ZNF385D: variants seen among roughly 807,000 people sequenced by gnomAD.
The protein encoded by ZNF385D is zinc finger protein 659.
A neutral mutation model predicts 35.8 loss-of-function variants in ZNF385D; 15 were observed. The ratio of observed to expected loss-of-function variants is 0.42; its 90% CI spans 0.28 to 0.64. ZNF385D has a LOEUF of 0.64. ZNF385D is among the 30% of genes least tolerant of loss of function. ZNF385D has a pLI of 0.23. For synonymous variants in ZNF385D, 212 were observed against 186.8 expected, an observed-to-expected ratio of 1.13 and a Z score of -1.10; for missense variants, 474 against 494.6, an observed-to-expected ratio of 0.96 and a Z score of 0.39.
intron 2 of ZNF385D, among the ~76,000 whole-genome samples, chr3:21,585,212 T>TA (rs1269083163): frequency 2.0e-5 from 3 of 152,184 alleles, no homozygotes; most frequent in Non-Finnish European, 4.4e-5. Flanking sequence ...TATTTGACCA[T>TA]AAAAAACTAT....
chr3:22,058,120 CTGGTCCAAAGATATG>C (rs1270531016), intron 3 of ZNF385D, among the ~76,000 whole-genome samples: 2 of 152,182 alleles, frequency 1.3e-5, no homozygotes. Flanking sequence ...GAATTTCATG[CTGGTCCAAAGATATG>C]TGGTTCCTTA....
chr3:21,472,795 G>A (rs979923395), intron 4 of ZNF385D, among the ~76,000 whole-genome samples: 1 of 151,970 alleles, frequency 6.6e-6, no homozygotes, highest in African/African-American at 2.4e-5. Flanking sequence ...GTAACCAATC[G>A]AGTTGTTTCT....
Position 22,271,770 on chromosome 3 carries a change from CA to C in ZNF385D, c.106+100679del, listed in dbSNP as rs548093977. On this transcript the variant is annotated intron_variant, in intron 2 of 5. Transcript: ENST00000494108. ...AACCCCTCCCATCAAACCATCCAGT[CA>C]GACTCAAAGTTAGCCTTTTTATAAG... 5.2e-4 allele frequency among the ~76,000 whole-genome samples: 79 copies of C among 152,068 alleles called. 1 individual carries two copies. Among genetic ancestry groups the C allele is most frequent in the African/African-American group, 1.9e-3 (78 of 41,522 alleles).
At chr3:22,202,601 G>A (rs1178024121) in intron 2 of ZNF385D, among the ~76,000 whole-genome samples, 2 of 152,132 alleles carry the variant, frequency 1.3e-5, no homozygotes, top group African/African-American at 4.8e-5. Context: ...TCAGGTAAGT[G>A]ATCACAGTAC....
chr3:21,752,471 G>C (rs571287849), upstream of ZNF385D, among the ~76,000 whole-genome samples: 10 of 152,108 alleles, frequency 6.6e-5, no homozygotes, highest in African/African-American at 2.2e-4. Context: ...TATATCTCTT[G>C]GTGGATTTAA....
chr3:21,878,865 G>C (rs907292513), intron 3 of ZNF385D, among the ~76,000 whole-genome samples: 1 of 152,016 alleles, frequency 6.6e-6, no homozygotes. Context: ...AAGCACATTT[G>C]AAGTTCTTTT....
chr3:21,607,885 C>A (rs1311540649), intron 2 of ZNF385D, among the ~76,000 whole-genome samples: 2 of 152,098 alleles, frequency 1.3e-5, no homozygotes, highest in Non-Finnish European at 2.9e-5. Flanking sequence ...GCTTAATTAT[C>A]TTTCCTACTT....
chr3:22,194,633 C>T (rs552693119), intron 2 of ZNF385D, among the ~76,000 whole-genome samples: 66 of 151,964 alleles, frequency 4.3e-4, no homozygotes, highest in African/African-American at 1.5e-3. Flanking sequence ...CCACATCACC[C>T]CCCAAATCTT....
intron 4 of ZNF385D, among the ~76,000 whole-genome samples, chr3:21,507,334 A>G (rs1054597645): frequency 6.6e-6 from 1 of 152,046 alleles, no homozygotes; most frequent in Non-Finnish European, 1.5e-5. Context: ...TTTCAAAGGA[A>G]TTAGTTTGGG....
At chr3:21,749,403 T>C (rs990087675) in intron 1 of ZNF385D, among the ~76,000 whole-genome samples, 12 of 152,312 alleles carry the variant, frequency 7.9e-5, no homozygotes, top group African/African-American at 2.9e-4. Context: ...AAGGAATTGT[T>C]TCAAGAGGGT....
chr3:22,372,120 C>CG (rs1170395235), intron 2 of ZNF385D, among the ~76,000 whole-genome samples: 1 of 138,958 alleles, frequency 7.2e-6, no homozygotes, highest in Non-Finnish European at 1.6e-5. Context: ...GCTGACCTCG[C>CG]CCCCCCGCCT....
chr3:21,818,071 C>G (rs1297816418), intron 3 of ZNF385D, among the ~76,000 whole-genome samples: 1 of 151,846 alleles, frequency 6.6e-6, no homozygotes, highest in Non-Finnish European at 1.5e-5. Context: ...AGCAAACTAT[C>G]ACAAGGACAG....
intron 3 of ZNF385D, among the ~76,000 whole-genome samples, chr3:22,053,298 C>A (rs1478061487): frequency 1.5e-5 from 1 of 65,184 alleles, no homozygotes; most frequent in Non-Finnish European, 3.0e-5. Context: ...AATAGAGACA[C>A]AAAAAACCCT....
intron 2 of ZNF385D, among the ~76,000 whole-genome samples, chr3:22,178,937 G>T (rs1218838678): frequency 1.3e-5 from 2 of 151,918 alleles, no homozygotes; most frequent in Non-Finnish European, 2.9e-5. Flanking sequence ...CTGTTCCATT[G>T]GTCTATATCT....
At chr3:21,608,023 G>GTTTTTTTTTGTTTTTT (rs1553622610) in intron 2 of ZNF385D, among the ~76,000 whole-genome samples, 1 of 120,220 alleles carries the variant, frequency 8.3e-6, no homozygotes, top group African/African-American at 3.2e-5. Flanking sequence ...TTTTTTTTTT[G>GTTTTTTTTTGTTTTTT]TTTTTTTTTT....
intron 3 of ZNF385D, among the ~76,000 whole-genome samples, chr3:21,880,065 G>T (rs770644836): frequency 6.6e-6 from 1 of 151,906 alleles, no homozygotes; most frequent in Non-Finnish European, 1.5e-5. Context: ...CAAATAGCAT[G>T]CAAATTAAGC....
At chr3:21,918,546 C>G (rs949394856) in intron 3 of ZNF385D, among the ~76,000 whole-genome samples, 2 of 152,070 alleles carry the variant, frequency 1.3e-5, no homozygotes, top group Admixed American at 1.3e-4. Flanking sequence ...ATGTGAAATG[C>G]TCATAATTTT....
intron 3 of ZNF385D, among the ~76,000 whole-genome samples, chr3:21,887,102 T>C (rs1370304681): frequency 1.3e-5 from 2 of 152,092 alleles, no homozygotes; most frequent in South Asian, 2.1e-4. Context: ...AGATAAAAGG[T>C]CCCTTCTTGA....
At chr3:22,015,999 T>C (rs1225859366) in intron 3 of ZNF385D, among the ~76,000 whole-genome samples, 4 of 152,164 alleles carry the variant, frequency 2.6e-5, no homozygotes, top group African/African-American at 9.6e-5. Context: ...GGAGAGTTTC[T>C]CCTATTGTTA....
Sources: gnomAD v4.1 joint callset for allele counts (sites outside exome capture counted in the v4.1 genomes callset) on GRCh38, gnomAD v4.1.1 for gene constraint, MANE v1.5 for transcripts, NCBI Gene and HGNC (gene_info 2026-07-23, HGNC 2026-07-21) for gene names.